The following PCGF5 variants were observed in gnomAD, a reference collection of about 807,000 sequenced individuals.
PCGF5 encodes the protein polycomb group RING finger protein 5.
A neutral mutation model predicts 44.3 loss-of-function variants in PCGF5; 9 were observed. The observed-to-expected ratio is 0.20, with a 90% CI of 0.12 to 0.35. The LOEUF (loss-of-function observed/expected upper bound fraction) is 0.35, where lower values mean the gene tolerates loss of function less well. Ranked by LOEUF, PCGF5 falls within the 10% of genes least tolerant of loss-of-function variation. The pLI is 1.00. For missense variants in PCGF5, 146 were observed against 305.3 expected (o/e 0.48, Z 3.89); for synonymous variants, 95 against 102.5 (o/e 0.93, Z 0.44).
intron 7 of PCGF5, among the ~76,000 whole-genome samples, chr10:91,263,600 T>C (rs1286414648): frequency 6.6e-6 from 1 of 152,196 alleles, no homozygotes; most frequent in African/African-American, 2.4e-5. Flanking sequence ...TGTTATATTA[T>C]TTGTAGGGAT....
intron 1 of PCGF5, among the ~76,000 whole-genome samples, chr10:91,176,384 G>T (rs1039897041): frequency 7.2e-5 from 11 of 152,128 alleles, no homozygotes; most frequent in African/African-American, 2.7e-4. Flanking sequence ...TGACAATTAT[G>T]TGTCTTGGAG....
chr10:91,237,057 T>C (rs1239952413), intron 2 of PCGF5, among the ~76,000 whole-genome samples: 1 of 152,228 alleles, frequency 6.6e-6, no homozygotes, highest in Non-Finnish European at 1.5e-5. Flanking sequence ...GATTCAAATA[T>C]TGGTTTTAAC....
intron 1 of PCGF5, among the ~76,000 whole-genome samples, chr10:91,207,967 A>G (rs1465686042): frequency 6.6e-6 from 1 of 152,144 alleles, no homozygotes; most frequent in Non-Finnish European, 1.5e-5. Flanking sequence ...TTGTAGGGGT[A>G]CCTTTTCCCC....
chr10:91,256,142 G>A (rs569890091), intron 6 of PCGF5, among the ~76,000 whole-genome samples: 27 of 152,178 alleles, frequency 1.8e-4, no homozygotes, highest in Admixed American at 1.2e-3. Context: ...CCCAGACATT[G>A]TACTTATTAG....
chr10:91,219,269 G>C (rs941884385), upstream of PCGF5, among the ~76,000 whole-genome samples: 1 of 152,068 alleles, frequency 6.6e-6, no homozygotes, highest in Non-Finnish European at 1.5e-5. Flanking sequence ...TTTCCTTCAG[G>C]AATACTGATT....
intron 1 of PCGF5, among the ~76,000 whole-genome samples, chr10:91,207,577 C>A (rs1415539676): frequency 6.6e-6 from 1 of 152,184 alleles, no homozygotes; most frequent in East Asian, 1.9e-4. Context: ...ATAATAGTAT[C>A]TAATGTGCAG....
intron 1 of PCGF5, among the ~76,000 whole-genome samples, chr10:91,200,956 G>T (rs373393846): frequency 1.3e-5 from 2 of 152,166 alleles, no homozygotes; most frequent in African/African-American, 4.8e-5. Context: ...GGAGGGTCAG[G>T]TGGGAGAATG....
intron 5 of PCGF5, 130 bp from the exon 6 acceptor site, chr10:91,251,162 T>C (rs1845614515): frequency 1.6e-6 from 1 of 606,562 alleles, no homozygotes; most frequent in Non-Finnish European, 2.7e-6. Context: ...TTAAAGATAC[T>C]AAGTTCTTCT....
chr10:91,190,446 A>G (rs1844011507), intron 1 of PCGF5, among the ~76,000 whole-genome samples: 1 of 152,186 alleles, frequency 6.6e-6, no homozygotes, highest in African/African-American at 2.4e-5. Flanking sequence ...AATCTGCCCC[A>G]CCTCTCTAAG....
Position 91,222,288 on chromosome 10 carries a change from C to A in PCGF5, c.-183-401C>A, listed in dbSNP as rs539235322. On this transcript the variant is annotated intron_variant, in intron 1 of 9. Transcript: ENST00000336126. ...GATATCAACTTGGTTTGACTCGTAA[C>A]TGGATGAAGGGTTAAAAATGGAAAT... Among the ~76,000 whole-genome samples the A allele has an allele frequency of 3.3e-5, 5 of 152,216 alleles. No individual in the cohort carries two copies. The East Asian group carries it at 9.7e-4, about 29-fold the overall frequency.
chr10:91,276,167 G>A (rs1472808734), intron 9 of PCGF5, among the ~76,000 whole-genome samples: 1 of 150,412 alleles, frequency 6.6e-6, no homozygotes, highest in South Asian at 2.1e-4. Context: ...TATTATGGTA[G>A]TTATCTTTGG....
chr10:91,234,204 G>T (rs1452064224), intron 2 of PCGF5, among the ~76,000 whole-genome samples: 5 of 152,330 alleles, frequency 3.3e-5, no homozygotes, highest in African/African-American at 9.6e-5. Context: ...AAATCAACAT[G>T]TAATAGTGCA....
At chr10:91,176,369 G>C (rs1215598574) in intron 1 of PCGF5, among the ~76,000 whole-genome samples, 1 of 152,158 alleles carries the variant, frequency 6.6e-6, no homozygotes, top group African/African-American at 2.4e-5. Context: ...CAAGTTTGGT[G>C]AATCTGACAA....
At chr10:91,257,001 A>T (rs1017142827) in intron 6 of PCGF5, among the ~76,000 whole-genome samples, 2 of 152,150 alleles carry the variant, frequency 1.3e-5, no homozygotes, top group Non-Finnish European at 2.9e-5. Context: ...ACTCTTGTGT[A>T]TCAAAGGACA....
chr10:91,161,378 G>A (rs1843379695), upstream of PCGF5, among the ~76,000 whole-genome samples: 1 of 152,152 alleles, frequency 6.6e-6, no homozygotes, highest in South Asian at 2.1e-4. Context: ...TGCAAGCAGC[G>A]CATCGGAGAA....
At chr10:91,240,083 T>C (rs1030979811) in intron 2 of PCGF5, among the ~76,000 whole-genome samples, 5 of 152,212 alleles carry the variant, frequency 3.3e-5, no homozygotes, top group Non-Finnish European at 7.3e-5. Flanking sequence ...TGTATTGAGT[T>C]ATTTATGTTG....
chr10:91,204,111 T>C (rs937095929), intron 1 of PCGF5, among the ~76,000 whole-genome samples: 18 of 152,202 alleles, frequency 1.2e-4, no homozygotes, highest in African/African-American at 4.3e-4. Context: ...TTTTGAATAG[T>C]GATTTGCTTT....
chr10:91,190,066 T>C (rs145801799), intron 1 of PCGF5, among the ~76,000 whole-genome samples: 58 of 152,312 alleles, frequency 3.8e-4, no homozygotes, highest in Non-Finnish European at 5.4e-4. Flanking sequence ...TAGAAATTTA[T>C]TTCTCACTGT....
At chr10:91,222,189 G>A (rs894067307) in intron 1 of PCGF5, among the ~76,000 whole-genome samples, 1 of 152,158 alleles carries the variant, frequency 6.6e-6, no homozygotes, top group Non-Finnish European at 1.5e-5. Context: ...AATGTGCCTC[G>A]TAGCAGAATA....
Sources: gnomAD v4.1 joint callset for allele counts (sites outside exome capture counted in the v4.1 genomes callset) on GRCh38, gnomAD v4.1.1 for gene constraint, MANE v1.5 for transcripts, NCBI Gene and HGNC (gene_info 2026-07-23, HGNC 2026-07-21) for gene names.